CREB5: variants seen among roughly 807,000 people sequenced by gnomAD.
The protein encoded by CREB5 is cyclic AMP-responsive element-binding protein 5.
Under a neutral mutation model 57.1 loss-of-function variants are expected in CREB5, and 19 were observed. That is an observed-to-expected ratio of 0.33 (90% confidence interval 0.23 to 0.49). The LOEUF is 0.49. Among genes scored for constraint, CREB5 ranks in the 20% least tolerant of loss-of-function variants. The probability of loss-of-function intolerance (pLI) is 0.99; values close to 1 mark genes in which losing one functional copy is unlikely to be tolerated. For missense variants in CREB5, 579 were observed against 671.6 expected (o/e 0.86, Z 1.52); for synonymous variants, 238 against 238.3 (o/e 1.00, Z 0.01).
At chr7:28,621,523 AGTGG>A (rs1427737833) in intron 5 of CREB5, among the ~76,000 whole-genome samples, 1 of 152,168 alleles carries the variant, frequency 6.6e-6, no homozygotes, top group African/African-American at 2.4e-5. Flanking sequence ...TTCTGAACAA[AGTGG>A]CCACATGCGC....
chr7:28,627,550 T>C (rs1375822936), intron 5 of CREB5, among the ~76,000 whole-genome samples: 1 of 152,182 alleles, frequency 6.6e-6, no homozygotes, highest in Non-Finnish European at 1.5e-5. Flanking sequence ...ACCAAGACCC[T>C]GAAAGGCCTT....
At chr7:28,564,670 A>T (rs1295028035) in intron 4 of CREB5, among the ~76,000 whole-genome samples, 1 of 152,230 alleles carries the variant, frequency 6.6e-6, no homozygotes, top group Non-Finnish European at 1.5e-5. Flanking sequence ...AGAAATGTGA[A>T]TCAAAGAGGG....
chr7:28,530,960 C>T (rs1449953005), intron 4 of CREB5, among the ~76,000 whole-genome samples: 2 of 152,132 alleles, frequency 1.3e-5, no homozygotes, highest in Non-Finnish European at 2.9e-5. Context: ...TTTCCATTTT[C>T]TTGGGTGAGA....
intron 5 of CREB5, among the ~76,000 whole-genome samples, chr7:28,613,114 A>G (rs73684205): frequency 0.018 from 2,787 of 152,282 alleles, 92 homozygotes; most frequent in African/African-American, 0.064. Flanking sequence ...AGAGGAAAGC[A>G]GTTTCACCTC....
intron 5 of CREB5, among the ~76,000 whole-genome samples, chr7:28,661,639 C>CA (rs1422154441): frequency 2.6e-5 from 4 of 152,130 alleles, no homozygotes; most frequent in Admixed American, 2.6e-4. Flanking sequence ...GAAACAGAGT[C>CA]ACAGAGTTCA....
At chr7:28,633,742 G>T (rs1436031574) in intron 5 of CREB5, among the ~76,000 whole-genome samples, 3 of 152,168 alleles carry the variant, frequency 2.0e-5, no homozygotes, top group Admixed American at 1.3e-4. Context: ...TTATAAATGT[G>T]TGAACTCCAA....
At chr7:28,753,971 A>G (rs1805131379) in intron 7 of CREB5, among the ~76,000 whole-genome samples, 1 of 151,760 alleles carries the variant, frequency 6.6e-6, no homozygotes, top group Admixed American at 6.6e-5. Context: ...GTTAGTCTTT[A>G]AAATTAAACT....
intron 5 of CREB5, among the ~76,000 whole-genome samples, chr7:28,707,427 C>T (rs1802173206): frequency 6.6e-6 from 1 of 152,210 alleles, no homozygotes; most frequent in Admixed American, 6.5e-5. Context: ...GCTAAGATCA[C>T]ACACTCCTGG....
chr7:28,715,004 A>G (rs767165904), intron 5 of CREB5, among the ~76,000 whole-genome samples: 1 of 152,212 alleles, frequency 6.6e-6, no homozygotes, highest in Non-Finnish European at 1.5e-5. Flanking sequence ...GCAATTTGCC[A>G]TATTATTTTC....
At chr7:28,740,358 C>T (rs887945741) in intron 7 of CREB5, among the ~76,000 whole-genome samples, 1 of 152,132 alleles carries the variant, frequency 6.6e-6, no homozygotes, top group Admixed American at 6.6e-5. Flanking sequence ...ACCACTTTCC[C>T]TTTCTGTTTG....
intron 3 of CREB5, among the ~76,000 whole-genome samples, chr7:28,499,176 GAAA>G (rs34378552): frequency 0.013 from 1,602 of 126,218 alleles, 17 homozygotes; most frequent in African/African-American, 0.044. Flanking sequence ...TTCTGTGCAG[GAAA>G]AAAAAAAAAA....
Position 28,374,995 on chromosome 7 carries a change from G to C in CREB5, c.-25+75554G>C, listed in dbSNP as rs536568200. Among the ~76,000 whole-genome samples the C allele has an allele frequency of 5.3e-5, 8 of 152,288 alleles. No homozygotes were observed. In the South Asian group the frequency reaches 1.2e-3, roughly 24 times the overall value. On this transcript the variant is annotated intron_variant, in intron 1 of 9. Coordinates refer to the CREB5 transcript ENST00000396299. ...ATCAGTTGGCTCTCTTCTGCCCCAG[G>C]AAGCAGAAGACTGTGAAGTTATATG...
intron 1 of CREB5, among the ~76,000 whole-genome samples, chr7:28,441,911 T>A (rs1011471343): frequency 1.3e-5 from 2 of 152,210 alleles, no homozygotes; most frequent in Non-Finnish European, 2.9e-5. Context: ...TCAGGGTAAC[T>A]TGATCACCAC....
intron 1 of CREB5, among the ~76,000 whole-genome samples, chr7:28,399,582 A>AT (rs1433243576): frequency 6.6e-6 from 1 of 152,208 alleles, no homozygotes; most frequent in Non-Finnish European, 1.5e-5. Context: ...CTGGCTAACC[A>AT]TATGCAGAAG....
chr7:28,445,614 C>T (rs373688768), intron 1 of CREB5, among the ~76,000 whole-genome samples: 27 of 151,758 alleles, frequency 1.8e-4, no homozygotes, highest in East Asian at 3.9e-4. Context: ...TGCAGTGGCG[C>T]GATCTCGGCT....
At chr7:28,552,006 CTCTCT>C (rs754050612) in intron 4 of CREB5, among the ~76,000 whole-genome samples, 3 of 131,294 alleles carry the variant, frequency 2.3e-5, no homozygotes, top group East Asian at 2.2e-4. Context: ...TTCTCTCTCT[CTCTCT>C]TTTCTCTCTC....
At chr7:28,441,097 AAG>A (rs538877039) in intron 1 of CREB5, among the ~76,000 whole-genome samples, 44 of 152,300 alleles carry the variant, frequency 2.9e-4, no homozygotes, top group African/African-American at 9.4e-4. Flanking sequence ...GTTGTTTTCT[AAG>A]AGTTATTTGA....
intron 1 of CREB5, among the ~76,000 whole-genome samples, chr7:28,301,080 T>C (rs1220386091): frequency 6.6e-6 from 1 of 151,898 alleles, no homozygotes; most frequent in Non-Finnish European, 1.5e-5. Flanking sequence ...TTTTAAAGGC[T>C]CTTTTTAAAG....
At chr7:28,389,728 G>A (rs1006315933) in intron 1 of CREB5, among the ~76,000 whole-genome samples, 5 of 151,638 alleles carry the variant, frequency 3.3e-5, no homozygotes, top group Non-Finnish European at 5.9e-5. Context: ...AAAACTCTAA[G>A]CGGACTAGTA....
Sources: gnomAD v4.1 joint callset for allele counts (sites outside exome capture counted in the v4.1 genomes callset) on GRCh38, gnomAD v4.1.1 for gene constraint, MANE v1.5 for transcripts, NCBI Gene and HGNC (gene_info 2026-07-23, HGNC 2026-07-21) for gene names.